RELCH: variants seen among roughly 807,000 people sequenced by gnomAD.
The protein encoded by RELCH is RAB11-binding protein RELCH.
In RELCH, 41 loss-of-function variants were observed where a neutral mutation model predicts 150.3. The observed-to-expected ratio is 0.27, with a 90% confidence interval of 0.21 to 0.35. The LOEUF is 0.35. Ranked by LOEUF, RELCH falls within the 10% of genes least tolerant of loss-of-function variation. The pLI is 1.00. For synonymous variants in RELCH, 478 were observed against 531.8 expected (o/e 0.90, Z 1.39); for missense variants, 1,092 against 1,467.8 (o/e 0.74, Z 4.18).
At chr18:62,261,758 C>A in intron 16 of RELCH, 100 bp downstream of exon 16, 2 of 1,012,336 alleles carry the variant, frequency 2.0e-6, no homozygotes, top group Non-Finnish European at 2.8e-6. Flanking sequence ...CTTTATATGA[C>A]AGCATAATTT....
intron 18 of RELCH, 122 bp downstream of exon 18, chr18:62,264,974 C>A: frequency 1.4e-6 from 1 of 738,676 alleles, no homozygotes; most frequent in Non-Finnish European, 2.1e-6. Context: ...TCTTTAATAT[C>A]CTAGAATACT....
intron 16 of RELCH, among the ~76,000 whole-genome samples, chr18:62,262,603 A>C (rs17069666): frequency 0.1 from 15,231 of 152,024 alleles, 904 homozygotes; most frequent in East Asian, 0.19. Context: ...AGTTAATTTA[A>C]CATTTTTAAA....
At position 62,244,833 on chromosome 18, in the gene RELCH, C is replaced by T. The variant is rs2042322569; in HGVS notation, c.1690C>T (p.His564Tyr). ...GCCTAAAGAGCGAGATCAGCTTCTC[C>T]ACATACTTTTCAATTTGATCAAGAG... ...PEPKERDQLL[H>Y]ILFNLIKRPD... The change falls in exon 11 of 29, where the codon CAC becomes TAC. Residue 564 changes from histidine (H) to tyrosine (Y), a missense_variant. By Grantham distance (83) the His-to-Tyr change is moderately conservative (BLOSUM62 2). Transcript: ENST00000644646. 2 of 1,613,418 alleles carry T rather than the reference C, an allele frequency of 1.2e-6. No individual in the cohort carries two copies. The highest frequency in any genetic ancestry group is 1.7e-6 in the Non-Finnish European group (2 of 1,179,534).
intron 27 of RELCH, among the ~76,000 whole-genome samples, chr18:62,293,923 A>G (rs2045280579): frequency 6.6e-6 from 1 of 152,058 alleles, no homozygotes; most frequent in Admixed American, 6.6e-5. Context: ...CCTAAACAAC[A>G]TATTGTTTAA....
intron 1 of RELCH, among the ~76,000 whole-genome samples, chr18:62,195,599 C>G (rs559584774): frequency 6.6e-6 from 1 of 152,036 alleles, no homozygotes; most frequent in African/African-American, 2.4e-5. Flanking sequence ...TTTTACCATG[C>G]CTTCAGATTT....
At chr18:62,209,298 A>G (rs1003864555) in intron 1 of RELCH, among the ~76,000 whole-genome samples, 1 of 152,180 alleles carries the variant, frequency 6.6e-6, no homozygotes, top group African/African-American at 2.4e-5. Context: ...CATTGGGTCT[A>G]TGATCCATTT....
chr18:62,285,413 A>G (rs1284348619), intron 25 of RELCH: 1 of 152,098 alleles, frequency 6.6e-6, no homozygotes, highest in Admixed American at 6.5e-5. Flanking sequence ...CAGTGACTTT[A>G]TGTTATGTAT....
intron 24 of RELCH, among the ~76,000 whole-genome samples, chr18:62,281,133 A>G (rs2044493455): frequency 6.6e-6 from 1 of 152,220 alleles, no homozygotes; most frequent in South Asian, 2.1e-4. Flanking sequence ...GGTGTATTGG[A>G]CAAGCTTGCT....
chr18:62,221,165 G>A (rs1423768751), intron 3 of RELCH, 54 bp from the exon 4 acceptor site: 2 of 1,591,286 alleles, frequency 1.3e-6, no homozygotes, highest in Non-Finnish European at 1.7e-6. Context: ...AGAAGTAGCT[G>A]AGATATTTTA....
intron 10 of RELCH, among the ~76,000 whole-genome samples, chr18:62,242,845 T>C (rs2042218753): frequency 6.6e-6 from 1 of 152,104 alleles, no homozygotes; most frequent in African/African-American, 2.4e-5. Flanking sequence ...TTTAAGTGTG[T>C]GTGTGTGTGT....
In RELCH at chr18:62,310,159, G is replaced by A. The variant is rs538672671; in HGVS notation, c.*4625G>A. 3 of 152,198 alleles carry A rather than the reference G, an allele frequency of 2.0e-5. No individual in the cohort carries two copies. In the South Asian group the frequency reaches 6.2e-4, roughly 32 times the overall value. The allele number at this position is 152,198 out of a possible 1,614,324, so 9.4% of individuals were successfully genotyped here. ...CTTCATTTCTGATCATTACTTGACA[G>A]TTCTTTAAATTCTTAGCTTTCTCTG... On this transcript the variant is annotated 3_prime_UTR_variant, in exon 29 of 29. Transcript: ENST00000644646.
At chr18:62,290,526 T>A (rs1266223142) in intron 26 of RELCH, among the ~76,000 whole-genome samples, 1 of 151,946 alleles carries the variant, frequency 6.6e-6, no homozygotes, top group Non-Finnish European at 1.5e-5. Context: ...AGCAAAAAAT[T>A]CTGTTAAAAA....
intron 5 of RELCH, among the ~76,000 whole-genome samples, chr18:62,225,683 G>T (rs2041170660): frequency 6.6e-6 from 1 of 151,914 alleles, no homozygotes; most frequent in Admixed American, 6.6e-5. Context: ...TTTTGGCAAG[G>T]ATATGGAGCA....
intron 28 of RELCH, 100 bp downstream of exon 28, chr18:62,298,960 T>C: frequency 4.7e-6 from 3 of 644,472 alleles, no homozygotes; most frequent in Non-Finnish European, 8.2e-6. Flanking sequence ...TGTTACGTTA[T>C]AGTCCTTTGT....
chr18:62,258,057 G>A lies in RELCH; in HGVS notation c.2006G>A (p.Gly669Glu). Residue 669 changes from glycine (G) to glutamate (E), a missense_variant, in exon 14 of 29, where the codon GGA (glycine) becomes GAA (glutamate). Coordinates refer to ENST00000644646, the MANE Select transcript of RELCH (RefSeq NM_001346231.2). Reference sequence around the variant, plus strand: ...ATCAAAAGCCTTGGTATCATTATGGGATACATTGATGATCCAGACAAATAT... The same window carrying A: ...ATCAAAAGCCTTGGTATCATTATGGAATACATTGATGATCCAGACAAATAT... ...AVIKSLGIIM[G>E]YIDDPDKYHQ... The A allele has an allele frequency of 1.9e-6, 3 of 1,604,860 alleles. No homozygotes were observed. The highest frequency in any genetic ancestry group is 2.6e-6 in the Non-Finnish European group (3 of 1,175,788).
intron 12 of RELCH, 36 bp downstream of exon 12, chr18:62,252,790 T>A (rs1406169905): frequency 4.2e-6 from 6 of 1,437,590 alleles, no homozygotes; most frequent in Middle Eastern, 1.8e-4. Flanking sequence ...CTAGCTATTA[T>A]AGCCTGATTT....
intron 10 of RELCH, among the ~76,000 whole-genome samples, chr18:62,236,235 A>G (rs935133457): frequency 6.6e-6 from 1 of 151,798 alleles, no homozygotes; most frequent in Admixed American, 6.6e-5. Context: ...CTTTCGTTCT[A>G]CTGTCATATG....
At chr18:62,235,994 T>A (rs2041859147) in intron 10 of RELCH, among the ~76,000 whole-genome samples, 1 of 152,018 alleles carries the variant, frequency 6.6e-6, no homozygotes. Flanking sequence ...ACAATTTGGA[T>A]GGTAATGTTT....
intron 18 of RELCH, among the ~76,000 whole-genome samples, chr18:62,266,253 GTTAC>G (rs148438930): frequency 0.017 from 2,585 of 151,888 alleles, 81 homozygotes; most frequent in East Asian, 0.13. Context: ...GGATGAATAT[GTTAC>G]TTACTAAACA....
Sources: gnomAD v4.1 joint callset for allele counts (sites outside exome capture counted in the v4.1 genomes callset) on GRCh38, gnomAD v4.1.1 for gene constraint, MANE v1.5 for transcripts, NCBI Gene and HGNC (gene_info 2026-07-23, HGNC 2026-07-21) for gene names.